EVI5: variants seen among roughly 807,000 people sequenced by gnomAD.
The protein encoded by EVI5 is ecotropic viral integration site 5, also known as ecotropic viral integration site 5 protein homolog.
In EVI5, 73 loss-of-function variants were observed where a neutral mutation model predicts 112.0. The observed-to-expected ratio is 0.65, with a 90% confidence interval of 0.54 to 0.79. EVI5 has a LOEUF of 0.79. Among genes scored for constraint, EVI5 ranks in the 30% least tolerant of loss-of-function variants. EVI5 has a pLI of 0.00. For synonymous variants in EVI5, 305 were observed against 319.9 expected (o/e 0.95, Z 0.50); for missense variants, 900 against 968.8 (o/e 0.93, Z 0.94).
intron 1 of EVI5, among the ~76,000 whole-genome samples, chr1:92,741,861 T>G (rs952802216): frequency 6.6e-6 from 1 of 152,026 alleles, no homozygotes; most frequent in Non-Finnish European, 1.5e-5. Context: ...GAACTAAAAC[T>G]ATAAAACTTA....
At chr1:92,579,871 A>C (rs1205123484) in intron 18 of EVI5, among the ~76,000 whole-genome samples, 1 of 152,194 alleles carries the variant, frequency 6.6e-6, no homozygotes, top group Non-Finnish European at 1.5e-5. Flanking sequence ...ATTAATAAAC[A>C]AAGTAGAAAT....
chr1:92,540,053 A>G (rs1451902032), intron 19 of EVI5, among the ~76,000 whole-genome samples: 1 of 152,340 alleles, frequency 6.6e-6, no homozygotes, highest in East Asian at 1.9e-4. Flanking sequence ...ATAATTGATC[A>G]TATGGATATA....
chr1:92,770,635 C>A (rs1001596984), intron 1 of EVI5, among the ~76,000 whole-genome samples: 2 of 151,500 alleles, frequency 1.3e-5, no homozygotes, highest in South Asian at 4.2e-4. Context: ...CTAAAAATAC[C>A]AAAAATTAGC....
intron 1 of EVI5, among the ~76,000 whole-genome samples, chr1:92,770,452 T>C (rs891399281): frequency 6.6e-6 from 1 of 152,200 alleles, no homozygotes; most frequent in African/African-American, 2.4e-5. Context: ...CCATAAAGTA[T>C]AACTACTGGG....
intron 19 of EVI5, among the ~76,000 whole-genome samples, chr1:92,532,370 G>A (rs1442137376): frequency 2.0e-5 from 3 of 152,156 alleles, no homozygotes; most frequent in African/African-American, 4.8e-5. Context: ...ATATTAGACA[G>A]ATCAATAAGA....
chr1:92,785,249 ATCGCTC>A, upstream of EVI5: 1 of 270,480 alleles, frequency 3.7e-6, no homozygotes, highest in Non-Finnish European at 5.7e-6. Context: ...AGGCGGGGAA[ATCGCTC>A]TCGCCCTCCG....
rs1459426408 is a variant in EVI5, at chr1:92,665,923, G to GT, written c.1212+15dup. 3.8e-6 allele frequency: 6 copies of GT among 1,561,994 alleles called. No individual in the cohort carries two copies. Among genetic ancestry groups the GT allele is most frequent in the Non-Finnish European group, 5.2e-6 (6 of 1,143,624 alleles). On this transcript the variant is annotated intron_variant, in intron 11 of 19. Coordinates refer to ENST00000684568, the MANE Select transcript of EVI5 (RefSeq NM_001350197.2). Reference sequence around the variant, plus strand: ...AGGCATTCAACAGAAGCTTGCATAAGTAGTCACTTACTTACTTTTTCTAAT... The same window carrying GT: ...AGGCATTCAACAGAAGCTTGCATAAGTTAGTCACTTACTTACTTTTTCTAAT...
At chr1:92,551,040 CTTTTTTTTTT>C (rs55898086) in intron 19 of EVI5, among the ~76,000 whole-genome samples, 13 of 80,702 alleles carry the variant, frequency 1.6e-4, no homozygotes, top group African/African-American at 5.1e-4. Flanking sequence ...TTCTTTCTTT[CTTTTTTTTTT>C]TTTTTTTTTT....
At chr1:92,690,980 G>T (rs529475725) in intron 9 of EVI5, among the ~76,000 whole-genome samples, 1 of 152,212 alleles carries the variant, frequency 6.6e-6, no homozygotes, top group African/African-American at 2.4e-5. Context: ...AGATACAGAA[G>T]TTAAATGAGA....
intron 1 of EVI5, among the ~76,000 whole-genome samples, chr1:92,746,836 A>C (rs931092462): frequency 6.6e-6 from 1 of 151,658 alleles, no homozygotes; most frequent in African/African-American, 2.4e-5. Context: ...TCAAGGCTGC[A>C]GTGAACTGTG....
At chr1:92,729,059 G>A (rs1676054929) in intron 2 of EVI5, among the ~76,000 whole-genome samples, 1 of 152,172 alleles carries the variant, frequency 6.6e-6, no homozygotes, top group South Asian at 2.1e-4. Flanking sequence ...TCCTTCAAGT[G>A]AGAAGGTGAA....
intron 19 of EVI5, among the ~76,000 whole-genome samples, chr1:92,546,199 G>A (rs1183557814): frequency 6.6e-6 from 1 of 152,122 alleles, no homozygotes; most frequent in Non-Finnish European, 1.5e-5. Flanking sequence ...TGAACTAAAA[G>A]ATGTTCAAAT....
intron 19 of EVI5, among the ~76,000 whole-genome samples, chr1:92,530,275 G>A (rs758220944): frequency 4.6e-5 from 7 of 152,208 alleles, no homozygotes; most frequent in East Asian, 3.9e-4. Flanking sequence ...TGAAAAAAAC[G>A]CAGCAGCCCC....
chr1:92,525,267 C>T (rs1265991223), intron 19 of EVI5, among the ~76,000 whole-genome samples: 6 of 104,400 alleles, frequency 5.7e-5, no homozygotes, highest in East Asian at 3.2e-4. Context: ...ATGACAATGC[C>T]TTTTTTTTTT....
At position 92,563,677 on chromosome 1, in the gene EVI5, C is replaced by A. The variant is rs769030192; in HGVS notation, c.2131G>T (p.Glu711Ter). ...AGCTCTGCTATCTGATCTTTCAGTTCCCCAATATACTGGTTAGAATCAGAC... is the reference window on the plus strand; with the variant it reads ...AGCTCTGCTATCTGATCTTTCAGTTACCCAATATACTGGTTAGAATCAGAC... ...NKSDSNQYIG[E>*]LKDQIAELNH... Residue 711 changes from glutamate (E) to a stop codon, truncating the protein, a stop_gained, in exon 19 of 20, where the codon GAA (glutamate) becomes TAA (stop). Transcript: ENST00000684568. LOFTEE classifies it high-confidence loss of function. The A allele has an allele frequency of 1.2e-6, 2 of 1,603,694 alleles. No individual in the cohort carries two copies. The highest frequency in any genetic ancestry group is 2.2e-5 in the East Asian group (1 of 44,568).
At position 92,513,905 on chromosome 1, in the gene EVI5, G is replaced by C. The variant is rs778679412; in HGVS notation, c.2232C>G (p.Val744=). The part of the protein sequence containing the change: ...GQPPFDGIHI[V]NHLIGDDESF... ...ATTCATCATCTCCTATTAAATGGTT[G>C]ACAATGTGGATTCCATCAAAAGGAG... Residue 744 remains valine (V), a synonymous_variant, in exon 20 of 20, where the codon GTC becomes GTG. Transcript: ENST00000684568. 2.5e-6 allele frequency: 4 copies of C among 1,605,548 alleles called. No homozygotes were observed. Among genetic ancestry groups the C allele is most frequent in the Non-Finnish European group, 3.4e-6 (4 of 1,174,352 alleles).
At chr1:92,527,481 C>T (rs1662121376) in intron 19 of EVI5, among the ~76,000 whole-genome samples, 1 of 151,060 alleles carries the variant, frequency 6.6e-6, no homozygotes, top group Admixed American at 6.6e-5. Context: ...TATTTAGGCT[C>T]ATTTTTAAGT....
At chr1:92,527,337 C>T (rs1003686601) in intron 19 of EVI5, among the ~76,000 whole-genome samples, 2 of 147,262 alleles carry the variant, frequency 1.4e-5, no homozygotes, top group African/African-American at 2.5e-5. Flanking sequence ...CTCGGTTGAA[C>T]CTGGGAGGTG....
intron 19 of EVI5, among the ~76,000 whole-genome samples, chr1:92,533,966 A>G (rs1422477872): frequency 6.6e-6 from 1 of 152,220 alleles, no homozygotes; most frequent in Non-Finnish European, 1.5e-5. Context: ...AGGGTATTCA[A>G]TTAGTCAGAG....
Sources: gnomAD v4.1 joint callset for allele counts (sites outside exome capture counted in the v4.1 genomes callset) on GRCh38, gnomAD v4.1.1 for gene constraint, MANE v1.5 for transcripts, NCBI Gene and HGNC (gene_info 2026-07-23, HGNC 2026-07-21) for gene names.